The following MGMT variants were observed in gnomAD, a reference collection of about 807,000 sequenced individuals.
MGMT encodes the protein O-6-methylguanine-DNA methyltransferase, also known as methylated-DNA--protein-cysteine methyltransferase.
Under a neutral mutation model 15.9 loss-of-function variants are expected in MGMT, and 14 were observed. That is an observed-to-expected ratio of 0.88 (90% CI 0.58 to 1.37). The LOEUF (loss-of-function observed/expected upper bound fraction) is 1.37. Among genes scored for constraint, MGMT ranks in the 40% most tolerant of loss-of-function variants. MGMT has a pLI of 0.00. For synonymous variants in MGMT, 130 were observed against 118.2 expected (o/e 1.10, Z -0.65); for missense variants, 282 against 268.1 (o/e 1.05, Z -0.36).
At chr10:129,676,697 T>C (rs1456069490) in intron 2 of MGMT, among the ~76,000 whole-genome samples, 1 of 152,228 alleles carries the variant, frequency 6.6e-6, no homozygotes, top group African/African-American at 2.4e-5. Flanking sequence ...GAATGATTGT[T>C]CTGCAGAAAA....
At chr10:129,722,672 G>A (rs887216851) in intron 3 of MGMT, among the ~76,000 whole-genome samples, 2 of 152,224 alleles carry the variant, frequency 1.3e-5, no homozygotes, top group Non-Finnish European at 2.9e-5. Context: ...TTCAGTTCTT[G>A]TATCTTTGAG....
intron 1 of MGMT, among the ~76,000 whole-genome samples, chr10:129,523,609 C>T (rs1845837092): frequency 6.6e-6 from 1 of 152,122 alleles, no homozygotes; most frequent in Non-Finnish European, 1.5e-5. Flanking sequence ...ACTTGGGGTT[C>T]CCTCCACCGT....
intron 3 of MGMT, among the ~76,000 whole-genome samples, chr10:129,727,332 G>A (rs1848445632): frequency 1.3e-5 from 2 of 152,238 alleles, no homozygotes; most frequent in South Asian, 4.1e-4. Context: ...AGCCCCAGGA[G>A]AGGCCCATGT....
intron 3 of MGMT, among the ~76,000 whole-genome samples, chr10:129,728,022 C>T (rs917166816): frequency 1.1e-4 from 16 of 152,128 alleles, no homozygotes; most frequent in African/African-American, 3.6e-4. Context: ...CCAAGAAGGC[C>T]ATCAGGTCTC....
chr10:129,686,015 A>G (rs925944679), intron 2 of MGMT, among the ~76,000 whole-genome samples: 4 of 152,350 alleles, frequency 2.6e-5, no homozygotes, highest in African/African-American at 9.6e-5. Flanking sequence ...AGATGTGCTT[A>G]ACCGCCATCC....
intron 3 of MGMT, among the ~76,000 whole-genome samples, chr10:129,721,305 C>T (rs1564773939): frequency 2.6e-5 from 4 of 152,220 alleles, no homozygotes; most frequent in Admixed American, 6.5e-5. Context: ...AATTCATGGG[C>T]GGAGTTCGCG....
intron 1 of MGMT, among the ~76,000 whole-genome samples, chr10:129,505,480 C>G (rs1234123644): frequency 6.6e-6 from 1 of 152,066 alleles, no homozygotes; most frequent in African/African-American, 2.4e-5. Context: ...TGACTTAAGG[C>G]TGAATTTTAG....
At chr10:129,567,060 T>C (rs142800821) in intron 2 of MGMT, among the ~76,000 whole-genome samples, 161 of 152,180 alleles carry the variant, frequency 1.1e-3, no homozygotes, top group Non-Finnish European at 1.8e-3. Context: ...TGTTTTCGAG[T>C]GTTTCCATTT....
chr10:129,621,747 T>C (rs1446696186), intron 2 of MGMT, among the ~76,000 whole-genome samples: 3 of 152,198 alleles, frequency 2.0e-5, no homozygotes, highest in African/African-American at 7.2e-5. Flanking sequence ...TGAACATCCT[T>C]GCCACCTTTC....
chr10:129,612,535 G>T (rs778161088), intron 2 of MGMT, among the ~76,000 whole-genome samples: 4 of 152,218 alleles, frequency 2.6e-5, no homozygotes, highest in African/African-American at 9.6e-5. Context: ...GTTGTTGCAC[G>T]TGAGGACATG....
At chr10:129,759,551 C>G (rs984079685) in intron 4 of MGMT, among the ~76,000 whole-genome samples, 10 of 152,152 alleles carry the variant, frequency 6.6e-5, no homozygotes, top group African/African-American at 2.4e-4. Context: ...CTCCCCCCTA[C>G]CGGGAGCACA....
chr10:129,685,396 G>A (rs552783379), intron 2 of MGMT, among the ~76,000 whole-genome samples: 6 of 152,276 alleles, frequency 3.9e-5, no homozygotes, highest in African/African-American at 1.2e-4. Context: ...TGTGAATCTG[G>A]AAGGGGCTAG....
intron 2 of MGMT, among the ~76,000 whole-genome samples, chr10:129,616,396 T>C (rs896366513): frequency 1.3e-5 from 2 of 152,144 alleles, no homozygotes; most frequent in African/African-American, 4.8e-5. Flanking sequence ...AGCCATGTGG[T>C]GCTGAAGGGG....
At position 129,689,181 on chromosome 10, in the gene MGMT, C is replaced by T. The variant is rs116928695; in HGVS notation, c.126-18714C>T. 1.6e-3 allele frequency among the ~76,000 whole-genome samples: 246 copies of T among 152,312 alleles called. 8 individuals carry two copies. In the East Asian group the frequency reaches 0.044, roughly 27 times the overall value. ...CTGGACTCAAGTTGTCCACCTGCCC[C>T]AGCCTCCAAAGTGCTGGGATTACAG... is the stretch of plus-strand genomic sequence containing the variant. On this transcript the variant is annotated intron_variant, in intron 2 of 4. Coordinates refer to ENST00000651593, the MANE Select transcript of MGMT (RefSeq NM_002412.5).
chr10:129,540,836 T>C (rs1846035110), intron 2 of MGMT, among the ~76,000 whole-genome samples: 2 of 152,222 alleles, frequency 1.3e-5, no homozygotes, highest in Non-Finnish European at 2.9e-5. Flanking sequence ...TTTGTGAAGC[T>C]TCCTGGTTTA....
At chr10:129,671,415 G>A (rs747822416) in intron 2 of MGMT, among the ~76,000 whole-genome samples, 2 of 150,074 alleles carry the variant, frequency 1.3e-5, no homozygotes, top group Non-Finnish European at 3.0e-5. Context: ...ATGGCCTGGG[G>A]CTGGGGCTGG....
rs1247507717 is a variant in MGMT at position 129,503,780 on chromosome 10, G to C, written c.-12-32461G>C. Reference sequence around the variant, plus strand: ...AGACTTGGAATTCTGTCGGATCCAGGGGCTGAAATGTTGTATTCTCTTTGT... The same window carrying C: ...AGACTTGGAATTCTGTCGGATCCAGCGGCTGAAATGTTGTATTCTCTTTGT... On this transcript the variant is annotated intron_variant, in intron 1 of 4. Transcript: ENST00000651593. 3.3e-5 allele frequency among the ~76,000 whole-genome samples: 5 copies of C among 152,286 alleles called. No individual in the cohort carries two copies. The South Asian group carries it at 8.3e-4, about 25-fold the overall frequency.
intron 2 of MGMT, among the ~76,000 whole-genome samples, chr10:129,623,606 A>G (rs763752173): frequency 2.2e-4 from 34 of 152,222 alleles, no homozygotes; most frequent in Non-Finnish European, 4.1e-4. Context: ...CAGTGGTGCA[A>G]TCATAGCTTG....
At chr10:129,731,053 A>G (rs1848490351) in intron 3 of MGMT, among the ~76,000 whole-genome samples, 1 of 152,118 alleles carries the variant, frequency 6.6e-6, no homozygotes, top group African/African-American at 2.4e-5. Flanking sequence ...AACTGTCACT[A>G]GGCGCCCCAC....
Sources: gnomAD v4.1 joint callset for allele counts (sites outside exome capture counted in the v4.1 genomes callset) on GRCh38, gnomAD v4.1.1 for gene constraint, MANE v1.5 for transcripts, NCBI Gene and HGNC (gene_info 2026-07-23, HGNC 2026-07-21) for gene names.